ZNF444: variants seen among roughly 807,000 people sequenced by gnomAD.
The protein encoded by ZNF444 is zinc finger protein 444.
In ZNF444, 8 loss-of-function variants were observed where a neutral mutation model predicts 14.4. The observed-to-expected ratio is 0.56, with a 90% CI of 0.33 to 1.00. The LOEUF (loss-of-function observed/expected upper bound fraction) is 1.00, where lower values mean the gene tolerates loss of function less well. Ranked by LOEUF, ZNF444 falls within the 50% of genes least tolerant of loss-of-function variation. The pLI, the probability that ZNF444 is intolerant of heterozygous loss-of-function variation, is 0.03. For synonymous variants in ZNF444, 258 were observed against 235.9 expected (o/e 1.09, Z -0.86); for missense variants, 510 against 504.8 (o/e 1.01, Z -0.10).
intron 3 of ZNF444, chr19:56,151,798 C>T (rs772065000): frequency 1.9e-4 from 88 of 452,784 alleles, no homozygotes; most frequent in Non-Finnish European, 3.1e-4. Flanking sequence ...CAGCTGACAT[C>T]TGGGGGCGCT....
chr19:56,132,553 A>G (rs2030504234), upstream of ZNF444: 1 of 152,120 alleles, frequency 6.6e-6, no homozygotes, highest in African/African-American at 2.4e-5. Flanking sequence ...GCACTTAATT[A>G]GCAAAGCCCA....
At position 56,160,120 on chromosome 19, in the gene ZNF444, C is replaced by A; in HGVS notation, c.903C>A (p.Gly301=). 1 of 1,487,314 alleles carries A rather than the reference C, an allele frequency of 6.7e-7. No homozygotes were observed. Among genetic ancestry groups the A allele is most frequent in the Non-Finnish European group, 8.9e-7 (1 of 1,125,970 alleles). 92.1% of individuals were successfully genotyped at this position (1,487,314 alleles called of 1,614,324 possible). ...EHVLRHQRIH[G]RAAASAQGAV... Reference sequence around the variant, plus strand: ...TGCTGCGCCACCAGCGCATCCACGGCCGGGCAGCGGCCAGCGCGCAGGGGG... The same window carrying A: ...TGCTGCGCCACCAGCGCATCCACGGACGGGCAGCGGCCAGCGCGCAGGGGG... Residue 301 remains glycine (G), a synonymous_variant, in exon 5 of 5, where the codon GGC becomes GGA. Transcript: ENST00000337080.
chr19:56,147,196 G>A lies in ZNF444; in HGVS notation c.285G>A (p.Leu95=). 1 of 1,450,818 alleles carries A rather than the reference G, an allele frequency of 6.9e-7. No homozygotes were observed. The allele number at this position is 1,450,818 out of a possible 1,614,324, so 89.9% of individuals were successfully genotyped here. A position where few individuals can be genotyped will look rare whatever the true frequency, so the allele number is the denominator to read the frequency against. ...GCGGGGAGGAGGCGGTGGCCCTGCTGGAGGAGCTCTGGGTGAGCCTGGCGG... is the reference window on the plus strand; with the variant it reads ...GCGGGGAGGAGGCGGTGGCCCTGCTAGAGGAGCTCTGGGTGAGCCTGGCGG... ...PQSGEEAVAL[L]EELWGPAASP... is the part of the protein sequence containing the mutation. The change falls in exon 3 of 5, where the codon CTG becomes CTA. Residue 95 remains leucine, a synonymous_variant. Coordinates refer to ENST00000337080, the MANE Select transcript of ZNF444 (RefSeq NM_018337.4). This position sits in a 1 kb window ranked among gnomAD's most constrained non-coding sequence, Gnocchi z 5.9.
chr19:56,159,142 CCCACCCATCCATCATCTGTACATTCAT>C (rs1246244157), intron 4 of ZNF444, among the ~76,000 whole-genome samples: 1 of 151,648 alleles, frequency 6.6e-6, no homozygotes, highest in Non-Finnish European at 1.5e-5. Flanking sequence ...TAGTCATCCA[CCCACCCATCCATCATCTGTACATTCAT>C]CCACCCATCA....
intron 1 of ZNF444, chr19:56,143,332 G>C (rs1440487018): frequency 6.6e-6 from 1 of 152,238 alleles, no homozygotes; most frequent in African/African-American, 2.4e-5. Context: ...ATTGCAAACA[G>C]GGTCAGCTTG....
chr19:56,152,785 G>C (rs761691669), intron 3 of ZNF444, among the ~76,000 whole-genome samples: 3 of 152,110 alleles, frequency 2.0e-5, no homozygotes, highest in Admixed American at 6.5e-5. Context: ...GGCAGAAGGG[G>C]TGAAGGGGTC....
chr19:56,137,897 G>A (rs2030648083), upstream of ZNF444, among the ~76,000 whole-genome samples: 1 of 152,136 alleles, frequency 6.6e-6, no homozygotes, highest in Non-Finnish European at 1.5e-5. Context: ...CGAGGCGGGT[G>A]GATGACCTGA....
chr19:56,133,539 G>A (rs372732906), intron 1 of ZNF444, among the ~76,000 whole-genome samples: 143 of 151,768 alleles, frequency 9.4e-4, no homozygotes, highest in South Asian at 1.5e-3. Flanking sequence ...CAGGCCGGGC[G>A]CGATGGCTCA....
At position 56,160,161 on chromosome 19, in the gene ZNF444, C is replaced by T; in HGVS notation, c.944C>T (p.Pro315Leu). 7 of 1,480,670 alleles carry T rather than the reference C, an allele frequency of 4.7e-6. No homozygotes were observed. Among genetic ancestry groups the T allele is most frequent in the African/African-American group, 1.5e-5 (1 of 68,060 alleles). The allele number at this position is 1,480,670 out of a possible 1,614,324, so 91.7% of individuals were successfully genotyped here. ...ASAQGAVAPG[P>L]DGGGPFPPWP... The stretch of plus-strand genomic sequence containing the variant: ...GCGCAGGGGGCGGTAGCTCCGGGCC[C>T]GGATGGTGGAGGCCCCTTCCCGCCC... The change falls in exon 5 of 5, where the codon CCG (proline) becomes CTG (leucine). Residue 315 changes from proline to leucine, a missense_variant. Transcript: ENST00000337080.
chr19:56,158,137 CAG>C (rs112660975), intron 3 of ZNF444: 6 of 190,228 alleles, frequency 3.2e-5, no homozygotes, highest in East Asian at 1.2e-4. Context: ...ACCCCACACT[CAG>C]GGGTGTAAAC....
At chr19:56,141,091 C>A (rs1231840520), upstream of ZNF444, 2 of 151,948 alleles carry the variant, frequency 1.3e-5, no homozygotes, top group Non-Finnish European at 2.9e-5. Context: ...AGACGCCACG[C>A]GGTGACAAAC....
rs546428125 is a variant in ZNF444 at position 56,160,162 on chromosome 19, G to A, written c.945G>A (p.Pro315=). ...CGCAGGGGGCGGTAGCTCCGGGCCCGGATGGTGGAGGCCCCTTCCCGCCCT... is the reference window on the plus strand; with the variant it reads ...CGCAGGGGGCGGTAGCTCCGGGCCCAGATGGTGGAGGCCCCTTCCCGCCCT... The part of the protein sequence containing the change: ...ASAQGAVAPG[P]DGGGPFPPWP... The change falls in exon 5 of 5, where the codon CCG becomes CCA. Residue 315 remains proline (P), a synonymous_variant. Transcript: ENST00000337080. 72 of 1,479,836 alleles carry A rather than the reference G, an allele frequency of 4.9e-5. No homozygotes were observed. The African/African-American group carries it at 6.6e-4, about 14-fold the overall frequency. The allele number at this position is 1,479,836 out of a possible 1,614,324, so 91.7% of individuals were successfully genotyped here.
chr19:56,147,180 AGGC>A lies in ZNF444; in HGVS notation c.272_274del (p.Ala91del), dbSNP rs1273072480. 1 of 1,471,370 alleles carries A rather than the reference AGGC, an allele frequency of 6.8e-7. No homozygotes were observed. The highest frequency in any genetic ancestry group is 9.0e-7 in the Non-Finnish European group (1 of 1,116,234). The allele number at this position is 1,471,370 out of a possible 1,614,324, so 91.1% of individuals were successfully genotyped here. ...AGCCGGCAGCCGCAGAGCGGGGAGG[AGGC>A]GGTGGCCCTGCTGGAGGAGCTCTGG... is the stretch of plus-strand genomic sequence containing the variant. On this transcript the variant is annotated inframe_deletion, in exon 3 of 5. Coordinates refer to ENST00000337080, the MANE Select transcript of ZNF444 (RefSeq NM_018337.4). The surrounding 1 kb of genome is among the most constrained non-coding windows in gnomAD (Gnocchi z 5.9).
intron 3 of ZNF444, among the ~76,000 whole-genome samples, chr19:56,152,270 T>G (rs2031628958): frequency 6.6e-6 from 1 of 150,688 alleles, no homozygotes; most frequent in African/African-American, 2.4e-5. Context: ...AGCTGGAGAT[T>G]GCAGTGAACC....
upstream of ZNF444, among the ~76,000 whole-genome samples, chr19:56,138,813 T>TTTC (rs1336040734): frequency 6.7e-6 from 1 of 148,334 alleles, no homozygotes; most frequent in Non-Finnish European, 1.5e-5. Context: ...TTTTTTTTTT[T>TTTC]TGAGACAGAG....
Position 56,147,056 on chromosome 19 carries a change from C to G in ZNF444, c.145C>G (p.Leu49Val). 1 of 1,568,548 alleles carries G rather than the reference C, an allele frequency of 6.4e-7. No individual in the cohort carries two copies. Among genetic ancestry groups the G allele is most frequent in the Non-Finnish European group, 8.6e-7 (1 of 1,162,556 alleles). ...GCTCCGCGCCCTGTGCCGGGACTGGCTGCGGCCCGAGGTGCACACCAAGGA... is the reference window on the plus strand; with the variant it reads ...GCTCCGCGCCCTGTGCCGGGACTGGGTGCGGCCCGAGGTGCACACCAAGGA... Reference protein sequence around the residue: ...GLLRALCRDWLRPEVHTKEQM... With the variant: ...GLLRALCRDWVRPEVHTKEQM... The change falls in exon 3 of 5, where the codon CTG (leucine) becomes GTG (valine). Residue 49 changes from leucine to valine, a missense_variant. By Grantham distance (32) the Leu-to-Val change is conservative. Coordinates refer to ENST00000337080, the MANE Select transcript of ZNF444 (RefSeq NM_018337.4). This position sits in a 1 kb window ranked among gnomAD's most constrained non-coding sequence, Gnocchi z 5.9.
At chr19:56,151,559 G>A (rs1370880729) in intron 3 of ZNF444, 2 of 258,560 alleles carry the variant, frequency 7.7e-6, no homozygotes, top group South Asian at 4.5e-5. Flanking sequence ...CATCTGGTCT[G>A]TGGGAGCTGA....
At chr19:56,150,642 A>G (rs2031519481) in intron 3 of ZNF444, among the ~76,000 whole-genome samples, 1 of 152,222 alleles carries the variant, frequency 6.6e-6, no homozygotes, top group African/African-American at 2.4e-5. Context: ...GTCTTAAGTC[A>G]GTGTTATTTT....
At chr19:56,141,090 G>T (rs2030764443), upstream of ZNF444, 1 of 152,036 alleles carries the variant, frequency 6.6e-6, no homozygotes, top group South Asian at 2.1e-4. Flanking sequence ...AAGACGCCAC[G>T]CGGTGACAAA....
Sources: allele counts gnomAD v4.1 joint callset (sites outside exome capture counted in the v4.1 genomes callset), GRCh38; gene constraint gnomAD v4.1.1; non-coding constraint Gnocchi (gnomAD v3.1); transcripts MANE v1.5; gene names NCBI Gene and HGNC (gene_info 2026-07-23, HGNC 2026-07-21).